Variants in FAM184A observed in about 807,000 individuals in gnomAD.
FAM184A encodes the protein protein FAM184A.
FAM184A carries 99 observed loss-of-function variants against 143.8 expected under a neutral mutation model. That is an observed-to-expected ratio of 0.69 (90% CI 0.58 to 0.81). FAM184A has a LOEUF of 0.81. Among genes scored for constraint, FAM184A ranks in the 40% least tolerant of loss-of-function variants. The probability of loss-of-function intolerance (pLI) is 0.00; values close to 1 mark genes in which losing one functional copy is unlikely to be tolerated. For synonymous variants in FAM184A, 427 were observed against 446.4 expected, an observed-to-expected ratio of 0.96 and a Z score of 0.55; for missense variants, 1,217 against 1,310.5, an observed-to-expected ratio of 0.93 and a Z score of 1.10.
chr6:118,971,520 T>A (rs193196972), intron 14 of FAM184A, among the ~76,000 whole-genome samples: 1 of 152,052 alleles, frequency 6.6e-6, no homozygotes, highest in Non-Finnish European at 1.5e-5. Flanking sequence ...GCTTGAACTT[T>A]CTTTACTTAC....
chr6:119,008,986 A>C (rs1255644892), intron 6 of FAM184A, among the ~76,000 whole-genome samples: 1 of 152,152 alleles, frequency 6.6e-6, no homozygotes, highest in Non-Finnish European at 1.5e-5. Flanking sequence ...ATACTAATTG[A>C]GAGAAAGAGT....
chr6:119,005,907 C>T lies in FAM184A; in HGVS notation c.1815+540G>A, dbSNP rs536920823. On this transcript the variant is annotated intron_variant, in intron 7 of 17. Coordinates refer to ENST00000338891, the MANE Select transcript of FAM184A (RefSeq NM_024581.6). ...TTAGTTGCTGTATATGAGAGTTCTACCTCTTACTAGTAAAAGAATTGCACG... is the reference window on the plus strand; with the variant it reads ...TTAGTTGCTGTATATGAGAGTTCTATCTCTTACTAGTAAAAGAATTGCACG... The T allele has an allele frequency of 1.2e-4, 63 of 535,824 alleles. No individual in the cohort carries two copies. In the East Asian group the frequency reaches 1.6e-3, roughly 14 times the overall value. 33.2% of individuals were successfully genotyped at this position (535,824 alleles called of 1,614,324 possible). A position where few individuals can be genotyped will look rare whatever the true frequency, so the allele number is the denominator to read the frequency against.
chr6:119,096,354 G>GTTAATGCTAAGGACTGTTATTAGTATT (rs1788507102), intron 1 of FAM184A, among the ~76,000 whole-genome samples: 14 of 108,186 alleles, frequency 1.3e-4, no homozygotes, highest in East Asian at 1.2e-3. Flanking sequence ...GAAAGAAAAG[G>GTTAATGCTAAGGACTGTTATTAGTATT]GGCCGGGCGC....
intron 1 of FAM184A, among the ~76,000 whole-genome samples, chr6:119,043,076 T>TA (rs147461567): frequency 0.035 from 5,271 of 151,940 alleles, 352 homozygotes; most frequent in African/African-American, 0.12. Flanking sequence ...TTCAATTTAT[T>TA]AAAAATAAAT....
intron 1 of FAM184A, among the ~76,000 whole-genome samples, chr6:119,120,844 CTTTCTT>C (rs1562158737): frequency 8.3e-6 from 1 of 120,678 alleles, no homozygotes; most frequent in Admixed American, 8.1e-5. Context: ...TTCTTTCTTT[CTTTCTT>C]TTTTTTTTTT....
chr6:119,015,210 T>C (rs549454320), intron 5 of FAM184A, among the ~76,000 whole-genome samples: 2 of 152,152 alleles, frequency 1.3e-5, no homozygotes, highest in Non-Finnish European at 2.9e-5. Flanking sequence ...TCTGCCTGGG[T>C]TCCCACTCTG....
At chr6:118,962,174 C>T in intron 16 of FAM184A, 1 of 566,284 alleles carries the variant, frequency 1.8e-6, no homozygotes, top group Non-Finnish European at 3.1e-6. Context: ...AGACATGCTA[C>T]CAGGGCAGAA....
intron 6 of FAM184A, among the ~76,000 whole-genome samples, chr6:119,008,526 T>C (rs1266803803): frequency 6.6e-6 from 1 of 152,190 alleles, no homozygotes; most frequent in African/African-American, 2.4e-5. Flanking sequence ...CAGTTCTGAA[T>C]CTAGTCTTGC....
chr6:119,083,198 G>C (rs1006997024), upstream of FAM184A, among the ~76,000 whole-genome samples: 1 of 152,228 alleles, frequency 6.6e-6, no homozygotes, highest in Non-Finnish European at 1.5e-5. Context: ...GCAAGGCCTT[G>C]GGCCCAGCCC....
intron 4 of FAM184A, 113 bp downstream of exon 4, chr6:119,019,865 G>T: frequency 1.1e-6 from 1 of 933,780 alleles, no homozygotes; most frequent in Non-Finnish European, 1.6e-6. Flanking sequence ...AACTACTAAA[G>T]TAGGAAATGT....
chr6:119,100,883 C>A (rs181786035), intron 1 of FAM184A, among the ~76,000 whole-genome samples: 4 of 150,270 alleles, frequency 2.7e-5, no homozygotes, highest in Non-Finnish European at 4.4e-5. Flanking sequence ...CGCTTAAACG[C>A]GGAAGGGGGC....
At chr6:119,068,968 TGATA>T (rs1787579000) in intron 1 of FAM184A, 2 of 284,822 alleles carry the variant, frequency 7.0e-6, no homozygotes, top group African/African-American at 2.3e-5. Flanking sequence ...ATTAATGTAC[TGATA>T]AATATGTTGT....
At chr6:119,063,523 T>C (rs1051658976) in intron 1 of FAM184A, among the ~76,000 whole-genome samples, 2 of 152,352 alleles carry the variant, frequency 1.3e-5, no homozygotes, top group African/African-American at 2.4e-5. Flanking sequence ...TGGTAGTGTA[T>C]ATTCATAACA....
At chr6:119,039,913 A>C (rs2114724799) in intron 1 of FAM184A, among the ~76,000 whole-genome samples, 1 of 152,216 alleles carries the variant, frequency 6.6e-6, no homozygotes, top group East Asian at 1.9e-4. Context: ...CTACACTGGA[A>C]AAAGGAAGAA....
chr6:119,068,054 T>G (rs1787528359), intron 1 of FAM184A, among the ~76,000 whole-genome samples: 1 of 149,574 alleles, frequency 6.7e-6, no homozygotes, highest in South Asian at 2.1e-4. Flanking sequence ...TGGGTTTTTT[T>G]TTTTTTTTTT....
In FAM184A at chr6:118,974,545, A is replaced by G; in HGVS notation, c.2798T>C (p.Leu933Pro). 2 of 1,607,992 alleles carry G rather than the reference A, an allele frequency of 1.2e-6. No homozygotes were observed. The change falls in exon 14 of 18, where the codon CTT becomes CCT. Residue 933 changes from leucine to proline, a missense_variant. Coordinates refer to ENST00000338891, the MANE Select transcript of FAM184A (RefSeq NM_024581.6). ...RLHEQDLNKR[L>P]EKELDVMTAD... ...TGTCATGACATCCAACTCTTTTTCA[A>G]GTCTCTTGTTTAAATCTTGTTCATG...
At chr6:119,095,584 G>T (rs1358908857) in intron 1 of FAM184A, among the ~76,000 whole-genome samples, 1 of 151,990 alleles carries the variant, frequency 6.6e-6, no homozygotes, top group Non-Finnish European at 1.5e-5. Context: ...TATTTTAGAG[G>T]TAGGTACTCT....
At chr6:119,037,559 C>T (rs1319432063) in intron 1 of FAM184A, among the ~76,000 whole-genome samples, 1 of 152,106 alleles carries the variant, frequency 6.6e-6, no homozygotes, top group East Asian at 1.9e-4. Context: ...AATGAGATGG[C>T]AACACCAAAA....
intron 1 of FAM184A, among the ~76,000 whole-genome samples, chr6:119,034,599 T>C (rs1302697200): frequency 6.6e-6 from 1 of 151,738 alleles, no homozygotes; most frequent in Admixed American, 6.6e-5. Flanking sequence ...CTTTGCTTTT[T>C]GTTTTTTTAT....
Sources: gnomAD v4.1 joint callset for allele counts (sites outside exome capture counted in the v4.1 genomes callset) on GRCh38, gnomAD v4.1.1 for gene constraint, MANE v1.5 for transcripts, NCBI Gene and HGNC (gene_info 2026-07-23, HGNC 2026-07-21) for gene names.